Variants in PHACTR3 observed in about 807,000 individuals in gnomAD.
PHACTR3 encodes phosphatase and actin regulator 3, also known as protein phosphatase 1, regulatory subunit 123.
In PHACTR3, 16 loss-of-function variants were observed where a neutral mutation model predicts 66.8. The observed-to-expected ratio is 0.24, with a 90% confidence interval of 0.16 to 0.36. The LOEUF (loss-of-function observed/expected upper bound fraction) is 0.36, where lower values mean the gene tolerates loss of function less well. Ranked by LOEUF, PHACTR3 falls within the 10% of genes least tolerant of loss-of-function variation. The probability of loss-of-function intolerance (pLI) is 1.00; values close to 1 mark genes in which losing one functional copy is unlikely to be tolerated. For synonymous variants in PHACTR3, 323 were observed against 292.1 expected (o/e 1.11, Z -1.08); for missense variants, 647 against 719.9 (o/e 0.90, Z 1.16).
chr20:59,844,980 A>C, intron 11 of PHACTR3: 1 of 413,578 alleles, frequency 2.4e-6, no homozygotes, highest in Admixed American at 4.2e-5. Context: ...TTTTACAAAG[A>C]CTTCCAGAAT....
intron 1 of PHACTR3, among the ~76,000 whole-genome samples, chr20:59,674,365 C>T (rs116363203): frequency 0.015 from 2,093 of 144,308 alleles, 141 homozygotes; most frequent in African/African-American, 0.055. Context: ...GCCCTCTTCC[C>T]CTTCTCCTGT....
chr20:59,700,230 T>TTTTTCTTTCTCA (rs917576915), intron 1 of PHACTR3, among the ~76,000 whole-genome samples: 6 of 152,242 alleles, frequency 3.9e-5, no homozygotes, highest in Non-Finnish European at 5.9e-5. Flanking sequence ...CAGTTTTTTA[T>TTTTTCTTTCTCA]GTGTTGCCTG....
intron 1 of PHACTR3, among the ~76,000 whole-genome samples, chr20:59,662,574 T>C (rs561027220): frequency 9.5e-4 from 145 of 152,252 alleles, no homozygotes; most frequent in African/African-American, 3.2e-3. Context: ...GGTGGCTTTG[T>C]AGCTTTGTGA....
chr20:59,782,222 G>T (rs570245547), intron 7 of PHACTR3, among the ~76,000 whole-genome samples: 2 of 152,124 alleles, frequency 1.3e-5, no homozygotes, highest in Non-Finnish European at 2.9e-5. Context: ...AAAAGAGGTG[G>T]TTGTTTTTTT....
intron 1 of PHACTR3, among the ~76,000 whole-genome samples, chr20:59,726,423 C>G (rs1440036816): frequency 6.6e-6 from 1 of 152,142 alleles, no homozygotes; most frequent in Non-Finnish European, 1.5e-5. Flanking sequence ...CCACTTATTC[C>G]CCATGACACT....
chr20:59,580,086 A>T (rs946413912), intron 1 of PHACTR3, among the ~76,000 whole-genome samples: 10 of 152,092 alleles, frequency 6.6e-5, no homozygotes, highest in Non-Finnish European at 1.3e-4. Context: ...CCAATCTGAG[A>T]TTCATCAGAA....
intron 7 of PHACTR3, among the ~76,000 whole-genome samples, chr20:59,796,621 G>C (rs569170624): frequency 6.6e-6 from 1 of 152,218 alleles, no homozygotes; most frequent in South Asian, 2.1e-4. Flanking sequence ...AGCTTTGCTG[G>C]ATATAATATT....
chr20:59,806,044 C>A lies in PHACTR3; in HGVS notation c.1178C>A (p.Thr393Lys). 1 of 1,613,360 alleles carries A rather than the reference C, an allele frequency of 6.2e-7. No individual in the cohort carries two copies. ...TTGCCCTGGATGGGGCTTTTAGGAA[C>A]ACTGCCACGGAAATGCAAGAAGGAG... ...EALNDSIISG[T>K]LPRKCKKELL... is the part of the protein sequence containing the mutation. The change falls in exon 8 of 13, where the codon ACA becomes AAA. Residue 393 changes from threonine (T) to lysine (K), a missense_variant. Transcript: ENST00000371015.
At position 59,836,678 on chromosome 20, in the gene PHACTR3, T is replaced by G. The variant is rs1236050039; in HGVS notation, c.1384+118T>G. Reference sequence around the variant, plus strand: ...CAAGCGGAATGCTCCATGCTCCCAGTAAACCTGAGCTGCTGCTGAATTCTG... The same window carrying G: ...CAAGCGGAATGCTCCATGCTCCCAGGAAACCTGAGCTGCTGCTGAATTCTG... On this transcript the variant is annotated intron_variant, in intron 9 of 12. Transcript: ENST00000371015. The G allele has an allele frequency of 4.2e-6, 4 of 948,686 alleles. No individual in the cohort carries two copies. In the African/African-American group the frequency reaches 6.9e-5, roughly 16 times the overall value. The allele number at this position is 948,686 out of a possible 1,614,324, so 58.8% of individuals were successfully genotyped here. A position where few individuals can be genotyped will look rare whatever the true frequency, so the allele number is the denominator to read the frequency against.
At chr20:59,623,628 G>T (rs748390187) in intron 1 of PHACTR3, among the ~76,000 whole-genome samples, 1 of 152,206 alleles carries the variant, frequency 6.6e-6, no homozygotes, top group Non-Finnish European at 1.5e-5. Flanking sequence ...AACTGCATCT[G>T]TGGGATGTAG....
intron 1 of PHACTR3, among the ~76,000 whole-genome samples, chr20:59,605,847 G>GGGGGGT (rs1391364760): frequency 1.2e-3 from 144 of 119,540 alleles, no homozygotes; most frequent in Middle Eastern, 8.8e-3. Flanking sequence ...CTAATAAAGC[G>GGGGGGT]GGGGGGGAGG....
chr20:59,808,423 G>T (rs2041633117), intron 8 of PHACTR3, among the ~76,000 whole-genome samples: 1 of 152,222 alleles, frequency 6.6e-6, no homozygotes. Context: ...AAGCTCAGGT[G>T]CACCGTCCCA....
At chr20:59,585,283 A>G (rs962008382) in intron 1 of PHACTR3, among the ~76,000 whole-genome samples, 1 of 152,164 alleles carries the variant, frequency 6.6e-6, no homozygotes, top group Non-Finnish European at 1.5e-5. Flanking sequence ...TGCAAGAAGA[A>G]CATATGAGGT....
At chr20:59,580,402 G>A (rs2032824038) in intron 1 of PHACTR3, among the ~76,000 whole-genome samples, 2 of 152,054 alleles carry the variant, frequency 1.3e-5, no homozygotes, top group Admixed American at 6.5e-5. Context: ...GCTACTTCCC[G>A]GAGCTTGCTT....
chr20:59,672,097 C>T (rs1048638580), intron 1 of PHACTR3, among the ~76,000 whole-genome samples: 5 of 152,208 alleles, frequency 3.3e-5, no homozygotes, highest in African/African-American at 4.8e-5. Context: ...GTTTGGGCAC[C>T]GTCTGGAGGC....
At chr20:59,658,982 T>C (rs559110619) in intron 1 of PHACTR3, among the ~76,000 whole-genome samples, 382 of 151,984 alleles carry the variant, frequency 2.5e-3, no homozygotes, top group Non-Finnish European at 4.6e-3. Context: ...CTGCCTATTC[T>C]GTCATTAAGA....
At chr20:59,626,463 G>A (rs1462017382) in intron 1 of PHACTR3, 1 of 152,350 alleles carries the variant, frequency 6.6e-6, no homozygotes, top group Non-Finnish European at 1.5e-5. Context: ...ACCAGGCAAA[G>A]TGAGGGAGCT....
At chr20:59,696,015 G>A (rs981447042) in intron 1 of PHACTR3, among the ~76,000 whole-genome samples, 6 of 152,114 alleles carry the variant, frequency 3.9e-5, no homozygotes, top group African/African-American at 1.2e-4. Context: ...TTACAAATGT[G>A]AGCCACCGCA....
chr20:59,776,880 G>A (rs541310799), intron 7 of PHACTR3, among the ~76,000 whole-genome samples: 8 of 152,242 alleles, frequency 5.3e-5, no homozygotes, highest in African/African-American at 1.7e-4. Flanking sequence ...CTGATTGAGT[G>A]CTCTGCACAG....
Sources: allele counts gnomAD v4.1 joint callset (sites outside exome capture counted in the v4.1 genomes callset), GRCh38; gene constraint gnomAD v4.1.1; transcripts MANE v1.5; gene names NCBI Gene and HGNC (gene_info 2026-07-23, HGNC 2026-07-21).